RAB38: variants seen among roughly 807,000 people sequenced by gnomAD.
RAB38 encodes the protein ras-related protein Rab-38.
A neutral mutation model predicts 18.4 loss-of-function variants in RAB38; 15 were observed. The ratio of observed to expected loss-of-function variants is 0.82; its 90% CI spans 0.55 to 1.26. The LOEUF (loss-of-function observed/expected upper bound fraction) is 1.26, where lower values mean the gene tolerates loss of function less well. RAB38 is among the 50% of genes most tolerant of loss of function. RAB38 has a pLI of 0.00. For missense variants in RAB38, 294 were observed against 267.4 expected, an observed-to-expected ratio of 1.10 and a Z score of -0.69; for synonymous variants, 101 against 104.4, an observed-to-expected ratio of 0.97 and a Z score of 0.20.
At chr11:88,025,189 A>G in the RAB38 span, among the ~76,000 whole-genome samples, 1 of 150,712 alleles carries the variant, frequency 6.6e-6, no homozygotes, top group East Asian at 1.9e-4. Flanking sequence ...TGATATACAT[A>G]TGAGATATAT....
chr11:88,143,553 T>G (rs961901950), intron 2 of RAB38, among the ~76,000 whole-genome samples: 7 of 151,934 alleles, frequency 4.6e-5, no homozygotes, highest in Non-Finnish European at 7.4e-5. Context: ...GGTGTCTAAA[T>G]TTAAATCATT....
the RAB38 span, among the ~76,000 whole-genome samples, chr11:88,092,347 G>A: frequency 8.7e-5 from 5 of 57,294 alleles, no homozygotes; most frequent in African/African-American, 1.4e-4. Flanking sequence ...AGAGAGAGAG[G>A]GAGGGAGAGA....
At chr11:88,022,422 TC>T in the RAB38 span, among the ~76,000 whole-genome samples, 21 of 151,930 alleles carry the variant, frequency 1.4e-4, no homozygotes, top group East Asian at 1.7e-3. Context: ...TGAAAATCTT[TC>T]CTCTTAGATC....
the RAB38 span, among the ~76,000 whole-genome samples, chr11:87,957,832 T>G: frequency 5.7e-4 from 86 of 152,122 alleles, no homozygotes; most frequent in Middle Eastern, 6.8e-3. Flanking sequence ...GAGTGACCTT[T>G]CTTCTAAGGC....
At chr11:87,853,048 C>G in the RAB38 span, among the ~76,000 whole-genome samples, 1 of 151,986 alleles carries the variant, frequency 6.6e-6, no homozygotes, top group Non-Finnish European at 1.5e-5. Context: ...AAGTCTGAAT[C>G]CTATTATAAA....
At chr11:87,957,616 T>C in the RAB38 span, among the ~76,000 whole-genome samples, 3 of 152,156 alleles carry the variant, frequency 2.0e-5, no homozygotes, top group African/African-American at 7.2e-5. Flanking sequence ...GGCATTCCTC[T>C]CTCAGCATAT....
chr11:88,138,778 C>A (rs79516301), intron 2 of RAB38, among the ~76,000 whole-genome samples: 1,726 of 60,232 alleles, frequency 0.029, 20 homozygotes, highest in African/African-American at 0.052. Flanking sequence ...TATTATTATT[C>A]TTTTTTTTTT....
intron 1 of RAB38, chr11:88,165,985 CAGAG>C (rs953589280): frequency 6.6e-6 from 1 of 151,972 alleles, no homozygotes; most frequent in African/African-American, 2.4e-5. Context: ...TTACTACTGA[CAGAG>C]AGAACTAGGA....
At chr11:87,953,272 G>A in the RAB38 span, among the ~76,000 whole-genome samples, 2 of 152,126 alleles carry the variant, frequency 1.3e-5, no homozygotes, top group Admixed American at 6.6e-5. Flanking sequence ...GGGGGTTGTA[G>A]GCATGCACAC....
the RAB38 span, among the ~76,000 whole-genome samples, chr11:87,927,590 C>T: frequency 6.6e-6 from 1 of 152,004 alleles, no homozygotes; most frequent in African/African-American, 2.4e-5. Context: ...AAATCACCCT[C>T]TCTCTTTCTT....
At chr11:87,833,141 C>T in the RAB38 span, among the ~76,000 whole-genome samples, 1 of 152,154 alleles carries the variant, frequency 6.6e-6, no homozygotes, top group South Asian at 2.1e-4. Flanking sequence ...AAATGTGTTG[C>T]TCAGTTCCTA....
Position 88,137,633 on chromosome 11 carries a change from A to T in RAB38, c.483+12042T>A, listed in dbSNP as rs571390720. Among the ~76,000 whole-genome samples, 99 of 152,326 alleles carry T rather than the reference A, an allele frequency of 6.5e-4. 1 individual carries two copies. The highest frequency in any genetic ancestry group is 2.2e-3 in the African/African-American group (91 of 41,592). ...TTCATAAAGAAAGAACACAGAAAAC[A>T]ATAGGAAGAAAATTATCAAAGAAAT... On this transcript the variant is annotated intron_variant, in intron 2 of 2. Coordinates refer to ENST00000243662, the MANE Select transcript of RAB38 (RefSeq NM_022337.3).
At chr11:88,070,834 T>G in the RAB38 span, among the ~76,000 whole-genome samples, 2 of 152,236 alleles carry the variant, frequency 1.3e-5, no homozygotes, top group South Asian at 4.1e-4. Context: ...CAGCAAGAAC[T>G]ACACTGAATT....
At chr11:87,867,646 T>C in the RAB38 span, among the ~76,000 whole-genome samples, 2 of 151,754 alleles carry the variant, frequency 1.3e-5, no homozygotes, top group African/African-American at 4.8e-5. Context: ...ACTAGAACCA[T>C]AATTGAAAGT....
downstream of RAB38, among the ~76,000 whole-genome samples, chr11:88,108,692 T>C (rs947897842): frequency 2.0e-5 from 3 of 152,242 alleles, no homozygotes; most frequent in Non-Finnish European, 4.4e-5. Flanking sequence ...ATTATGATGC[T>C]AGCTGGTTAT....
chr11:87,906,116 A>T, the RAB38 span, among the ~76,000 whole-genome samples: 1 of 151,952 alleles, frequency 6.6e-6, no homozygotes, highest in African/African-American at 2.4e-5. Flanking sequence ...TTTCATATAC[A>T]TATTTGTTTA....
At chr11:88,133,263 T>G (rs1942788618) in intron 2 of RAB38, among the ~76,000 whole-genome samples, 1 of 152,178 alleles carries the variant, frequency 6.6e-6, no homozygotes. Flanking sequence ...AGTCATTCTG[T>G]GCTGGGAATT....
the RAB38 span, among the ~76,000 whole-genome samples, chr11:87,949,243 T>G: frequency 5.9e-5 from 9 of 152,204 alleles, no homozygotes; most frequent in Non-Finnish European, 5.9e-5. Context: ...ATAGCCCCTT[T>G]ATCATATTTT....
the RAB38 span, among the ~76,000 whole-genome samples, chr11:87,875,437 G>C: frequency 6.6e-6 from 1 of 151,218 alleles, no homozygotes; most frequent in African/African-American, 2.4e-5. Flanking sequence ...CATAAATAAA[G>C]AGACTGTAGA....
Sources: gnomAD v4.1 joint callset for allele counts (sites outside exome capture counted in the v4.1 genomes callset) on GRCh38, gnomAD v4.1.1 for gene constraint, MANE v1.5 for transcripts, NCBI Gene and HGNC (gene_info 2026-07-23, HGNC 2026-07-21) for gene names.